NEDD9: variants seen among roughly 807,000 people sequenced by gnomAD.
NEDD9 encodes the protein enhancer of filamentation 1.
Under a neutral mutation model 76.6 loss-of-function variants are expected in NEDD9, and 26 were observed. The ratio of observed to expected loss-of-function variants is 0.34; its 90% CI spans 0.25 to 0.47. NEDD9 has a LOEUF of 0.47. Among genes scored for constraint, NEDD9 ranks in the 20% least tolerant of loss-of-function variants. NEDD9 has a pLI of 1.00. For missense variants in NEDD9, 937 were observed against 1,058.5 expected (o/e 0.89, Z 1.59); for synonymous variants, 392 against 414.2 (o/e 0.95, Z 0.65).
At chr6:11,311,416 C>T (rs1376935972) in intron 2 of NEDD9, among the ~76,000 whole-genome samples, 3 of 152,176 alleles carry the variant, frequency 2.0e-5, no homozygotes, top group Non-Finnish European at 2.9e-5. Context: ...CCTACCGACC[C>T]GTTGGTCTCT....
At chr6:11,287,629 T>A (rs555948486) in intron 3 of NEDD9, among the ~76,000 whole-genome samples, 1 of 152,264 alleles carries the variant, frequency 6.6e-6, no homozygotes, top group South Asian at 2.1e-4. Flanking sequence ...ATCCCCTTCA[T>A]CCATTCTCCT....
chr6:11,300,078 T>G (rs1460265387), intron 3 of NEDD9, among the ~76,000 whole-genome samples: 1 of 152,176 alleles, frequency 6.6e-6, no homozygotes, highest in Non-Finnish European at 1.5e-5. Context: ...TAAAGGAGCA[T>G]GTTCTAACCC....
At chr6:11,374,436 T>G (rs1762938708) in intron 1 of NEDD9, among the ~76,000 whole-genome samples, 1 of 152,162 alleles carries the variant, frequency 6.6e-6, no homozygotes, top group South Asian at 2.1e-4. Context: ...TACTGTGCTT[T>G]GAGGAGAAAA....
intron 3 of NEDD9, chr6:11,249,079 C>T (rs948379268): frequency 2.4e-5 from 11 of 454,636 alleles, no homozygotes; most frequent in Admixed American, 9.4e-5. Context: ...GCAATGCCCA[C>T]GTATTTGGTC....
At chr6:11,303,927 G>A (rs191926472) in intron 3 of NEDD9, among the ~76,000 whole-genome samples, 125 of 152,250 alleles carry the variant, frequency 8.2e-4, no homozygotes, top group East Asian at 4.0e-3. Flanking sequence ...AATACCAAAA[G>A]CAATGGCAAC....
chr6:11,307,552 G>C (rs895665490), intron 2 of NEDD9, among the ~76,000 whole-genome samples: 7 of 151,956 alleles, frequency 4.6e-5, no homozygotes, highest in African/African-American at 1.7e-4. Context: ...CATTTTAACT[G>C]CCCAAGGTGT....
At chr6:11,285,053 A>G (rs1223033974) in intron 3 of NEDD9, among the ~76,000 whole-genome samples, 1 of 152,142 alleles carries the variant, frequency 6.6e-6, no homozygotes, top group African/African-American at 2.4e-5. Flanking sequence ...TACCTTCACA[A>G]CCGGTGTTAC....
chr6:11,254,463 A>T (rs1759966071), intron 3 of NEDD9, among the ~76,000 whole-genome samples: 1 of 152,208 alleles, frequency 6.6e-6, no homozygotes, highest in Non-Finnish European at 1.5e-5. Context: ...ATTTTTAAAA[A>T]TTAAATATTT....
chr6:11,190,324 G>C lies in NEDD9; in HGVS notation c.1545C>G (p.Ile515Met), dbSNP rs1488346914. 1 of 1,614,128 alleles carries C rather than the reference G, an allele frequency of 6.2e-7. No homozygotes were observed. The highest frequency in any genetic ancestry group is 8.5e-7 in the Non-Finnish European group (1 of 1,180,052). ...DLNECSWSLN[I>M]LAINKPQNKC... ...TGTTCTGGGGCTTGTTGATGGCCAA[G>C]ATATTCAGGGACCAGCTGCACTCAT... The change falls in exon 5 of 7, where the codon ATC (isoleucine) becomes ATG (methionine). Residue 515 changes from isoleucine to methionine, a missense_variant. Coordinates refer to ENST00000379446, the MANE Select transcript of NEDD9 (RefSeq NM_006403.4). The surrounding 1 kb of genome is among the most constrained non-coding windows in gnomAD (Gnocchi z 5.8).
chr6:11,221,668 G>A (rs1759149695), intron 1 of NEDD9, among the ~76,000 whole-genome samples: 1 of 152,170 alleles, frequency 6.6e-6, no homozygotes, highest in African/African-American at 2.4e-5. Context: ...TTAGAAGTCA[G>A]CACTGTTGCT....
At chr6:11,217,950 C>T (rs531029393) in intron 1 of NEDD9, among the ~76,000 whole-genome samples, 83 of 152,236 alleles carry the variant, frequency 5.5e-4, no homozygotes, top group Non-Finnish European at 1.1e-3. Context: ...CTTGACCACT[C>T]TCATCCTTAT....
chr6:11,266,532 A>G (rs16871166), intron 3 of NEDD9, among the ~76,000 whole-genome samples: 48,745 of 152,054 alleles, frequency 0.32, 8,007 homozygotes, highest in African/African-American at 0.4. Flanking sequence ...AGCAGATCCT[A>G]TTTTAGCAAC....
At position 11,257,172 on chromosome 6, in the gene NEDD9, A is replaced by G. The variant is rs376561571; in HGVS notation, c.13-43445T>C. The stretch of plus-strand genomic sequence containing the variant: ...GGAGCCAGGGTTCCTCAACTTTGGC[A>G]TGATTGACATTCTGGGCTGGATAAT... On this transcript the variant is annotated intron_variant, in intron 3 of 3. Coordinates refer to the NEDD9 transcript ENST00000397378. Among the ~76,000 whole-genome samples the G allele has an allele frequency of 2.6e-5, 4 of 152,310 alleles. 1 individual carries two copies. The highest frequency in any genetic ancestry group is 9.6e-5 in the African/African-American group (4 of 41,558).
intron 1 of NEDD9, among the ~76,000 whole-genome samples, chr6:11,229,720 G>T (rs11970705): frequency 6.6e-6 from 1 of 152,060 alleles, no homozygotes; most frequent in Non-Finnish European, 1.5e-5. Flanking sequence ...AATTAAGTAC[G>T]TATGACAGTG....
At chr6:11,232,460 C>G (rs767933604) in intron 1 of NEDD9, 44 bp downstream of exon 1, 1 of 1,613,292 alleles carries the variant, frequency 6.2e-7, no homozygotes, top group East Asian at 2.2e-5. Flanking sequence ...CCCGCAGGCA[C>G]AGCTTTCAGC....
At chr6:11,318,412 T>A (rs1478196909) in intron 2 of NEDD9, among the ~76,000 whole-genome samples, 1 of 152,178 alleles carries the variant, frequency 6.6e-6, no homozygotes, top group Non-Finnish European at 1.5e-5. Flanking sequence ...ACACAGCCTC[T>A]GTGCTTTGCA....
chr6:11,296,232 G>A lies in NEDD9; in HGVS notation c.12+9760C>T, dbSNP rs1026019608. On this transcript the variant is annotated intron_variant, in intron 3 of 3. Coordinates refer to the NEDD9 transcript ENST00000397378. ...GAGAGAATAAATTTCTGTTGTTTAA[G>A]CCCCCACTCTGTGATACCTTGTCAT... 3.9e-5 allele frequency among the ~76,000 whole-genome samples: 6 copies of A among 152,152 alleles called. No homozygotes were observed. The East Asian group carries it at 1.2e-3, about 29-fold the overall frequency.
At chr6:11,359,798 G>A (rs555937091) in intron 1 of NEDD9, among the ~76,000 whole-genome samples, 6 of 152,330 alleles carry the variant, frequency 3.9e-5, no homozygotes, top group Admixed American at 2.0e-4. Flanking sequence ...TCATGAAGAT[G>A]TTCTCCTGTT....
intron 1 of NEDD9, among the ~76,000 whole-genome samples, chr6:11,222,078 C>T (rs901929799): frequency 6.6e-6 from 1 of 152,170 alleles, no homozygotes. Flanking sequence ...AGTCAAAATG[C>T]ACAAGTTATA....
Sources: allele counts gnomAD v4.1 joint callset (sites outside exome capture counted in the v4.1 genomes callset), GRCh38; gene constraint gnomAD v4.1.1; non-coding constraint Gnocchi (gnomAD v3.1); transcripts MANE v1.5; gene names NCBI Gene and HGNC (gene_info 2026-07-23, HGNC 2026-07-21).